Variants in GRID1 observed in about 807,000 individuals in gnomAD.
GRID1 encodes glutamate ionotropic receptor delta type subunit 1, also known as glutamate receptor ionotropic, delta-1.
GRID1 carries 28 observed loss-of-function variants against 98.0 expected under a neutral mutation model. The ratio of observed to expected loss-of-function variants is 0.29; its 90% CI spans 0.21 to 0.39. GRID1 has a LOEUF of 0.39. GRID1 is among the 10% of genes least tolerant of loss of function. The pLI is 1.00. For missense variants in GRID1, 1,111 were observed against 1,340.5 expected, an observed-to-expected ratio of 0.83 and a Z score of 2.67; for synonymous variants, 553 against 538.5, an observed-to-expected ratio of 1.03 and a Z score of -0.37.
intron 4 of GRID1, among the ~76,000 whole-genome samples, chr10:85,996,838 A>G (rs1166297491): frequency 6.6e-6 from 1 of 151,542 alleles, no homozygotes; most frequent in Admixed American, 6.6e-5. Context: ...TCAAAAAAAA[A>G]AAAAAGAAAG....
chr10:86,296,300 G>A (rs992101852), intron 2 of GRID1, among the ~76,000 whole-genome samples: 9 of 152,232 alleles, frequency 5.9e-5, no homozygotes, highest in African/African-American at 2.2e-4. Context: ...TGTGCCCAAT[G>A]TCTGTCTGTT....
chr10:86,216,428 T>C (rs1056314951), intron 2 of GRID1, among the ~76,000 whole-genome samples: 9 of 152,166 alleles, frequency 5.9e-5, no homozygotes, highest in African/African-American at 2.2e-4. Context: ...GGATGGAACT[T>C]ATGTTAGGAA....
chr10:85,686,571 T>C (rs1173871318), intron 12 of GRID1, among the ~76,000 whole-genome samples: 2 of 152,164 alleles, frequency 1.3e-5, no homozygotes, highest in Admixed American at 1.3e-4. Flanking sequence ...AGGCAATACA[T>C]AGAAGATTTC....
chr10:86,093,579 T>C (rs902757278), intron 4 of GRID1, among the ~76,000 whole-genome samples: 2 of 152,166 alleles, frequency 1.3e-5, no homozygotes, highest in Admixed American at 6.5e-5. Flanking sequence ...AACACCTTTA[T>C]GCACATAAAC....
intron 2 of GRID1, among the ~76,000 whole-genome samples, chr10:86,235,655 C>T (rs1050218016): frequency 2.6e-5 from 4 of 152,244 alleles, no homozygotes; most frequent in Admixed American, 1.3e-4. Flanking sequence ...ACGTAGTCTT[C>T]TGTGTCTGCC....
chr10:86,138,933 T>C lies in GRID1; in HGVS notation c.612A>G (p.Val204=). ...TCATCGTGGTGAAGAGGCTGGTGAA[T>C]ACGTGGCTAATGTTCTTGTCCACCT... ...LQKVDKNISH[V]FTSLFTTMKT... is the part of the protein sequence containing the mutation. Residue 204 remains valine (V), a synonymous_variant, in exon 4 of 16, where the codon GTA becomes GTG. Coordinates refer to ENST00000327946, the MANE Select transcript of GRID1 (RefSeq NM_017551.3). 6.2e-7 allele frequency: 1 copy of C among 1,613,926 alleles called. No individual in the cohort carries two copies. Among genetic ancestry groups the C allele is most frequent in the Non-Finnish European group, 8.5e-7 (1 of 1,179,756 alleles).
At chr10:85,735,297 A>G (rs1215888125) in intron 8 of GRID1, among the ~76,000 whole-genome samples, 2 of 152,192 alleles carry the variant, frequency 1.3e-5, no homozygotes, top group Non-Finnish European at 2.9e-5. Context: ...TAAGACAGCT[A>G]CGGTTTTCAT....
At chr10:86,127,742 T>C (rs1482496075) in intron 4 of GRID1, among the ~76,000 whole-genome samples, 2 of 152,162 alleles carry the variant, frequency 1.3e-5, no homozygotes, top group East Asian at 3.9e-4. Context: ...CTGTGAGCTA[T>C]GCTTCCTGAC....
Position 85,634,291 on chromosome 10 carries a change from T to TCTCTCTCTCTCTCTCTCTCA in GRID1, c.2193+12910_2193+12911insTGAGAGAGAGAGAGAGAGAG, listed in dbSNP as rs1162030685. The stretch of plus-strand genomic sequence containing the variant: ...CTCTCTCTCTCTCTCTCTCTCTCTC[T>TCTCTCTCTCTCTCTCTCTCA]CACACACACACACACACACACACAG... On this transcript the variant is annotated intron_variant, in intron 13 of 15. Coordinates refer to ENST00000327946, the MANE Select transcript of GRID1 (RefSeq NM_017551.3). Among the ~76,000 whole-genome samples, 86 of 102,948 alleles carry TCTCTCTCTCTCTCTCTCTCA rather than the reference T, an allele frequency of 8.4e-4. 1 individual carries two copies. The highest frequency in any genetic ancestry group is 5.1e-3 in the Middle Eastern group (1 of 198). 67.5% of individuals were successfully genotyped at this position (102,948 alleles called of 152,430 possible).
intron 3 of GRID1, among the ~76,000 whole-genome samples, chr10:86,148,648 A>G (rs1294570389): frequency 1.3e-5 from 2 of 152,218 alleles, no homozygotes; most frequent in African/African-American, 2.4e-5. Context: ...ATGTGAGATA[A>G]TGCATATGTT....
chr10:85,694,589 TATATATATATATAATGGA>T (rs1564562155), intron 12 of GRID1, among the ~76,000 whole-genome samples: 1 of 87,162 alleles, frequency 1.1e-5, no homozygotes, highest in African/African-American at 5.8e-5. Flanking sequence ...TATATATATA[TATATATATATATAATGGA>T]ATATTATTCA....
In GRID1 at chr10:86,130,504, C is replaced by T. The variant is rs373040142; in HGVS notation, c.726+8315G>A. 8.5e-5 allele frequency among the ~76,000 whole-genome samples: 13 copies of T among 152,244 alleles called. No homozygotes were observed. The East Asian group carries it at 1.9e-3, about 23-fold the overall frequency. ...GCAGAAGGGCAGAGGAACAGAAGAG[C>T]GACACAGTAGAGAAGGAGAGGAGAG... On this transcript the variant is annotated intron_variant, in intron 4 of 15. Coordinates refer to ENST00000327946, the MANE Select transcript of GRID1 (RefSeq NM_017551.3).
intron 8 of GRID1, 95 bp from the exon 9 acceptor site, chr10:85,729,709 G>A (rs1382084795): frequency 5.5e-6 from 4 of 725,222 alleles, no homozygotes; most frequent in East Asian, 2.6e-5. Flanking sequence ...AATTAGGCAG[G>A]TAGGTGAACA....
chr10:86,290,624 GC>G (rs1847498212), intron 2 of GRID1, among the ~76,000 whole-genome samples: 2 of 151,936 alleles, frequency 1.3e-5, no homozygotes, highest in South Asian at 4.2e-4. Context: ...CTGCACTCCA[GC>G]CTGGGCAACA....
At chr10:85,642,343 G>A (rs563602302) in intron 13 of GRID1, among the ~76,000 whole-genome samples, 104 of 152,260 alleles carry the variant, frequency 6.8e-4, no homozygotes, top group Non-Finnish European at 1.3e-3. Context: ...TGAGAGAAAC[G>A]GAAGCAGCCT....
chr10:86,296,777 A>ACATG, intron 2 of GRID1, among the ~76,000 whole-genome samples: 1 of 117,392 alleles, frequency 8.5e-6, no homozygotes, highest in South Asian at 3.3e-4. Context: ...ATACATGCAT[A>ACATG]CATACACACA....
chr10:85,722,387 C>CT (rs901843618), intron 12 of GRID1, among the ~76,000 whole-genome samples: 16 of 152,020 alleles, frequency 1.1e-4, no homozygotes, highest in East Asian at 5.8e-4. Flanking sequence ...TGTCCAAGTT[C>CT]TTTTTTTTGT....
chr10:85,708,664 G>C (rs1421711445), intron 12 of GRID1: 2 of 152,182 alleles, frequency 1.3e-5, no homozygotes, highest in Non-Finnish European at 2.9e-5. Context: ...AGTGCATAAA[G>C]CAAAACTTAA....
rs1326306102 is a variant in GRID1 at position 86,263,561 on chromosome 10, G to A, written c.236-56913C>T. On this transcript the variant is annotated intron_variant, in intron 2 of 15. Coordinates refer to ENST00000327946, the MANE Select transcript of GRID1 (RefSeq NM_017551.3). ...GCAGCGAGAACAGAGGCCAAACCCC[G>A]TCCTAGACCCCACTGCCTGGGCTGG... 2.0e-5 allele frequency among the ~76,000 whole-genome samples: 3 copies of A among 152,284 alleles called. No homozygotes were observed. The East Asian group carries it at 5.8e-4, about 29-fold the overall frequency.
Sources: allele counts gnomAD v4.1 joint callset (sites outside exome capture counted in the v4.1 genomes callset), GRCh38; gene constraint gnomAD v4.1.1; transcripts MANE v1.5; gene names NCBI Gene and HGNC (gene_info 2026-07-23, HGNC 2026-07-21).